The following THSD7A variants were observed in gnomAD, a reference collection of about 807,000 sequenced individuals.
The protein encoded by THSD7A is thrombospondin type 1 domain containing 7A, also known as thrombospondin type-1 domain-containing protein 7A.
Under a neutral mutation model 231.3 loss-of-function variants are expected in THSD7A, and 96 were observed. That is an observed-to-expected ratio of 0.41 (90% CI 0.35 to 0.49). The LOEUF is 0.49. Ranked by LOEUF, THSD7A falls within the 20% of genes least tolerant of loss-of-function variation. The probability of loss-of-function intolerance (pLI) is 0.05; values close to 1 mark genes in which losing one functional copy is unlikely to be tolerated. For synonymous variants in THSD7A, 940 were observed against 743.3 expected (o/e 1.26, Z -4.30); for missense variants, 2,290 against 2,070.2 (o/e 1.11, Z -2.06).
At chr7:11,699,316 A>T (rs1302119804) in intron 1 of THSD7A, among the ~76,000 whole-genome samples, 2 of 151,364 alleles carry the variant, frequency 1.3e-5, no homozygotes, top group Admixed American at 6.6e-5. Context: ...CTATTGTCCT[A>T]GAATTGCTCC....
chr7:11,476,796 C>T (rs995141879), intron 7 of THSD7A, among the ~76,000 whole-genome samples: 1 of 131,196 alleles, frequency 7.6e-6, no homozygotes, highest in Admixed American at 8.6e-5. Context: ...GCCTGGTCAA[C>T]AGAGAGAGAC....
intron 1 of THSD7A, among the ~76,000 whole-genome samples, chr7:11,744,906 T>A (rs375098580): frequency 1.3e-5 from 2 of 152,104 alleles, no homozygotes; most frequent in Admixed American, 6.6e-5. Flanking sequence ...TAAGCACACA[T>A]GTGCATGTGT....
At chr7:11,585,748 C>A (rs1036514747) in intron 4 of THSD7A, among the ~76,000 whole-genome samples, 1 of 152,076 alleles carries the variant, frequency 6.6e-6, no homozygotes, top group Non-Finnish European at 1.5e-5. Context: ...AACACACCAT[C>A]CCATCTCAGG....
At chr7:11,733,909 CTA>C (rs1781819221) in intron 1 of THSD7A, among the ~76,000 whole-genome samples, 1 of 151,820 alleles carries the variant, frequency 6.6e-6, no homozygotes, top group Non-Finnish European at 1.5e-5. Flanking sequence ...CTCTACACTC[CTA>C]TGTCTGGCTA....
At chr7:11,559,694 G>C (rs1790000131) in intron 4 of THSD7A, among the ~76,000 whole-genome samples, 1 of 152,016 alleles carries the variant, frequency 6.6e-6, no homozygotes, top group African/African-American at 2.4e-5. Context: ...GATTGCAAAA[G>C]GCTAAAATTA....
chr7:11,549,383 A>AT lies in THSD7A; in HGVS notation c.1454-6267dup, dbSNP rs1190119630. Among the ~76,000 whole-genome samples, 12 of 151,838 alleles carry AT rather than the reference A, an allele frequency of 7.9e-5. 1 individual carries two copies. Among genetic ancestry groups the AT allele is most frequent in the Admixed American group, 6.6e-5 (1 of 15,232 alleles). On this transcript the variant is annotated intron_variant, in intron 4 of 27. Transcript: ENST00000423059. Reference sequence around the variant, plus strand: ...AAGACAGTGTGGTGATTCCTCAGAGATTTAGAACTAGAAATACCATTTGAC... The same window carrying AT: ...AAGACAGTGTGGTGATTCCTCAGAGATTTTAGAACTAGAAATACCATTTGAC...
chr7:11,481,669 G>T, intron 7 of THSD7A, 119 bp downstream of exon 7: 2 of 1,069,086 alleles, frequency 1.9e-6, no homozygotes, highest in Non-Finnish European at 2.6e-6. Flanking sequence ...ATTAAATCTT[G>T]GATGGCTGAA....
At chr7:11,475,935 CTT>C (rs553018024) in intron 7 of THSD7A, among the ~76,000 whole-genome samples, 52 of 110,736 alleles carry the variant, frequency 4.7e-4, no homozygotes, top group Non-Finnish European at 7.0e-4. Context: ...AAATACTTTC[CTT>C]TTTTTTTTTT....
intron 6 of THSD7A, among the ~76,000 whole-genome samples, chr7:11,526,884 A>G (rs1465336145): frequency 2.0e-5 from 3 of 152,148 alleles, no homozygotes; most frequent in Non-Finnish European, 4.4e-5. Flanking sequence ...TCTTATCTGT[A>G]ACCAAATTAA....
rs546629658 is a variant in THSD7A, at chr7:11,457,750, C to T, written c.2605+2912G>A. Reference sequence around the variant, plus strand: ...CAATCCACCCACTTTTCTGTGAACACATTTAATGTTTTTGTTTTTCTTACC... The same window carrying T: ...CAATCCACCCACTTTTCTGTGAACATATTTAATGTTTTTGTTTTTCTTACC... On this transcript the variant is annotated intron_variant, in intron 11 of 27. Transcript: ENST00000423059. 3.9e-5 allele frequency among the ~76,000 whole-genome samples: 6 copies of T among 152,204 alleles called. No homozygotes were observed. In the South Asian group the frequency reaches 1.2e-3, roughly 32 times the overall value.
chr7:11,411,446 C>G lies in THSD7A; in HGVS notation c.3683-124G>C, dbSNP rs990180242. On this transcript the variant is annotated intron_variant, in intron 18 of 27. Coordinates refer to ENST00000423059, the MANE Select transcript of THSD7A (RefSeq NM_015204.3). The surrounding 1 kb of genome is among the most constrained non-coding windows in gnomAD (Gnocchi z 4.1). ...CTTCCTAAGCCCCATAATCAATCAT[C>G]CCCCATGCAGAGCATATGGGTCCCA... 1.0e-5 allele frequency: 7 copies of G among 668,708 alleles called. No homozygotes were observed. The African/African-American group carries it at 1.3e-4, about 12-fold the overall frequency. 41.4% of individuals were successfully genotyped at this position (668,708 alleles called of 1,614,324 possible).
At chr7:11,810,456 T>G (rs186637245) in intron 1 of THSD7A, among the ~76,000 whole-genome samples, 2 of 152,252 alleles carry the variant, frequency 1.3e-5, no homozygotes, top group East Asian at 3.9e-4. Flanking sequence ...TACATCTCCT[T>G]GAAAGATTAT....
Position 11,508,533 on chromosome 7 carries a change from T to C in THSD7A, c.1823-26551A>G, listed in dbSNP as rs192775562. On this transcript the variant is annotated intron_variant, in intron 6 of 27. Transcript: ENST00000423059. ...GGTGTAGCTGCTCTGAGAAATGATA[T>C]GGCGGTTCACCAGAAAATTAAAAAT... 1.6e-3 allele frequency among the ~76,000 whole-genome samples: 238 copies of C among 152,334 alleles called. 3 individuals carry two copies. Among genetic ancestry groups the C allele is most frequent in the African/African-American group, 5.4e-3 (224 of 41,564 alleles).
intron 4 of THSD7A, among the ~76,000 whole-genome samples, chr7:11,583,102 C>G (rs1482639450): frequency 1.3e-5 from 2 of 151,960 alleles, no homozygotes; most frequent in Non-Finnish European, 1.5e-5. Context: ...GCTAATAACT[C>G]TTTAGTTCAA....
At chr7:11,825,388 G>C (rs1277495577) in intron 1 of THSD7A, among the ~76,000 whole-genome samples, 8 of 152,050 alleles carry the variant, frequency 5.3e-5, no homozygotes, top group Non-Finnish European at 8.8e-5. Context: ...CAAAGTCCGT[G>C]TTCTTTCCAT....
intron 1 of THSD7A, among the ~76,000 whole-genome samples, chr7:11,808,237 T>C (rs1240565273): frequency 1.3e-5 from 2 of 152,136 alleles, no homozygotes; most frequent in Non-Finnish European, 2.9e-5. Context: ...TATTAAAATG[T>C]GGGGCCTTTA....
chr7:11,802,297 T>C (rs2128181796), intron 1 of THSD7A, among the ~76,000 whole-genome samples: 1 of 152,304 alleles, frequency 6.6e-6, no homozygotes, highest in South Asian at 2.1e-4. Context: ...CACCCTACTA[T>C]ACTATTTAAT....
chr7:11,753,905 C>G (rs1186148817), intron 1 of THSD7A, among the ~76,000 whole-genome samples: 1 of 151,676 alleles, frequency 6.6e-6, no homozygotes, highest in Non-Finnish European at 1.5e-5. Context: ...CTTATGAATA[C>G]CACAAAACAG....
At chr7:11,504,464 T>C (rs1787464107) in intron 6 of THSD7A, among the ~76,000 whole-genome samples, 1 of 152,098 alleles carries the variant, frequency 6.6e-6, no homozygotes, top group Admixed American at 6.6e-5. Context: ...AATCATCACA[T>C]GTAGGCCCAA....
Sources: allele counts gnomAD v4.1 joint callset (sites outside exome capture counted in the v4.1 genomes callset), GRCh38; gene constraint gnomAD v4.1.1; non-coding constraint Gnocchi (gnomAD v3.1); transcripts MANE v1.5; gene names NCBI Gene and HGNC (gene_info 2026-07-23, HGNC 2026-07-21).